The following IRS2 variants were observed in gnomAD, a reference collection of about 807,000 sequenced individuals.
The protein encoded by IRS2 is insulin receptor substrate 2.
In IRS2, 28 loss-of-function variants were observed where a neutral mutation model predicts 70.9. The ratio of observed to expected loss-of-function variants is 0.39; its 90% CI spans 0.29 to 0.54. IRS2 has a LOEUF of 0.54. IRS2 is among the 20% of genes least tolerant of loss of function. IRS2 has a pLI of 0.59. For synonymous variants in IRS2, 1,217 were observed against 981.9 expected (o/e 1.24, Z -4.48); for missense variants, 2,081 against 2,024.1 (o/e 1.03, Z -0.54).
Position 109,784,373 on chromosome 13 carries a change from C to T in IRS2, c.1681G>A (p.Gly561Arg). The change falls in exon 1 of 2, where the codon GGG (glycine) becomes AGG (arginine). Residue 561 changes from glycine to arginine, a missense_variant. Gly to Arg is a moderately radical substitution (Grantham distance 125, BLOSUM62 -2). Coordinates refer to ENST00000375856, the MANE Select transcript of IRS2 (RefSeq NM_003749.3). The surrounding 1 kb of genome is among the most constrained non-coding windows in gnomAD (Gnocchi z 5.2). ...HCGRSYRRVSGDAAQDLDRGL... is the reference protein window; with the variant it reads ...HCGRSYRRVSRDAAQDLDRGL... ...CGGTCCAGGTCCTGGGCCGCGTCCC[C>T]CGAGACCCGGCGGTAGGAGCGGCCA... 1 of 1,610,216 alleles carries T rather than the reference C, an allele frequency of 6.2e-7. No homozygotes were observed. The highest frequency in any genetic ancestry group is 1.1e-5 in the South Asian group (1 of 91,032).
chr13:109,766,948 A>C (rs145017868), intron 1 of IRS2, among the ~76,000 whole-genome samples: 3 of 152,394 alleles, frequency 2.0e-5, no homozygotes, highest in Admixed American at 6.5e-5. Flanking sequence ...AAGCAGAGGA[A>C]ACATACATTC....
At chr13:109,756,872 C>T (rs898967760) in intron 1 of IRS2, among the ~76,000 whole-genome samples, 3 of 152,194 alleles carry the variant, frequency 2.0e-5, no homozygotes, top group Non-Finnish European at 2.9e-5. Flanking sequence ...AACTTCCAAC[C>T]GGATCATCTA....
intron 1 of IRS2, among the ~76,000 whole-genome samples, chr13:109,759,839 C>T (rs553694953): frequency 7.3e-4 from 111 of 152,216 alleles, no homozygotes; most frequent in Middle Eastern, 3.4e-3. Context: ...CACGGCAACA[C>T]GATACCTACC....
chr13:109,763,033 G>C (rs898863887), intron 1 of IRS2, among the ~76,000 whole-genome samples: 4 of 152,134 alleles, frequency 2.6e-5, no homozygotes, highest in Admixed American at 2.6e-4. Flanking sequence ...ATTTACATAT[G>C]GCTGCTTTCA....
At chr13:109,774,781 C>A (rs4771645) in intron 1 of IRS2, among the ~76,000 whole-genome samples, 50,321 of 151,872 alleles carry the variant, frequency 0.33, 8,470 homozygotes, top group Middle Eastern at 0.48. Flanking sequence ...AATATTATAC[C>A]ATATTGTATA....
intron 1 of IRS2, among the ~76,000 whole-genome samples, chr13:109,761,589 GA>G (rs59128444): frequency 0.018 from 2,365 of 131,774 alleles, 22 homozygotes; most frequent in South Asian, 0.034. Flanking sequence ...CTAAGAACAT[GA>G]AAAAAAAAAA....
In IRS2 at chr13:109,782,827, G is replaced by T. The variant is rs1877755503; in HGVS notation, c.3227C>A (p.Ala1076Asp). 1.3e-6 allele frequency: 2 copies of T among 1,588,884 alleles called. No individual in the cohort carries two copies. The highest frequency in any genetic ancestry group is 3.6e-5 in the Admixed American group (2 of 56,098). The change falls in exon 1 of 2, where the codon GCT becomes GAT. Residue 1076 changes from alanine to aspartate, a missense_variant. Transcript: ENST00000375856. ...CGGCGGGGTGGCGGCCACACCAAAAGCCATCTCGGTGTAGTCACCATTGTC... is the reference window on the plus strand; with the variant it reads ...CGGCGGGGTGGCGGCCACACCAAAATCCATCTCGGTGTAGTCACCATTGTC... ...TGDNGDYTEM[A>D]FGVAATPPQP... is the part of the protein sequence containing the mutation.
intron 1 of IRS2, among the ~76,000 whole-genome samples, chr13:109,760,011 C>T (rs1344046262): frequency 6.6e-6 from 1 of 152,180 alleles, no homozygotes; most frequent in African/African-American, 2.4e-5. Context: ...CCCTGAAAAT[C>T]AGCCTGGTTC....
At chr13:109,767,801 C>T (rs1445756334) in intron 1 of IRS2, among the ~76,000 whole-genome samples, 2 of 145,864 alleles carry the variant, frequency 1.4e-5, no homozygotes, top group East Asian at 4.0e-4. Context: ...GGTGCAATCT[C>T]GGCTCGCTGC....
intron 1 of IRS2, among the ~76,000 whole-genome samples, chr13:109,761,648 C>T (rs1356775195): frequency 8.8e-5 from 13 of 147,348 alleles, no homozygotes; most frequent in Admixed American, 1.4e-4. Flanking sequence ...CTAGGAAAAA[C>T]GGTTACTTGA....
intron 1 of IRS2, among the ~76,000 whole-genome samples, chr13:109,778,189 G>A (rs1336997657): frequency 6.6e-6 from 1 of 152,140 alleles, no homozygotes; most frequent in African/African-American, 2.4e-5. Flanking sequence ...AGAAAGGGGA[G>A]GATTATAATT....
At chr13:109,761,580 T>C (rs1437751527) in intron 1 of IRS2, among the ~76,000 whole-genome samples, 1 of 128,794 alleles carries the variant, frequency 7.8e-6, no homozygotes, top group Non-Finnish European at 1.7e-5. Flanking sequence ...CAAGACACTC[T>C]AAGAACATGA....
intron 1 of IRS2, among the ~76,000 whole-genome samples, chr13:109,764,284 C>T (rs1328786761): frequency 6.6e-6 from 1 of 152,162 alleles, no homozygotes; most frequent in Non-Finnish European, 1.5e-5. Flanking sequence ...GCGCTGTCGC[C>T]ACACCAGAGC....
rs1455747780 is a variant in IRS2, at chr13:109,786,379, G to C, written c.-326C>G. 1 of 147,100 alleles carries C rather than the reference G, an allele frequency of 6.8e-6. No individual in the cohort carries two copies. The highest frequency in any genetic ancestry group is 1.5e-5 in the Non-Finnish European group (1 of 65,904). The allele number at this position is 147,100 out of a possible 1,614,324, so 9.1% of individuals were successfully genotyped here. ...GGACGCGCTCGCTGGGCCGGGAGTC[G>C]GGGTCCCCGAGCCGCGGGGCCGAGC... On this transcript the variant is annotated 5_prime_UTR_variant, in exon 1 of 2. Coordinates refer to ENST00000375856, the MANE Select transcript of IRS2 (RefSeq NM_003749.3). This position sits in a 1 kb window ranked among gnomAD's most constrained non-coding sequence, Gnocchi z 4.4.
chr13:109,786,464 G>C lies in IRS2; in HGVS notation c.-411C>G, dbSNP rs991100202. 2 of 148,968 alleles carry C rather than the reference G, an allele frequency of 1.3e-5. No homozygotes were observed. Among genetic ancestry groups the C allele is most frequent in the Middle Eastern group, 3.4e-3 (1 of 294 alleles). The allele number at this position is 148,968 out of a possible 1,614,324, so 9.2% of individuals were successfully genotyped here. A position where few individuals can be genotyped will look rare whatever the true frequency, so the allele number is the denominator to read the frequency against. ...GCCGCGTCGCGCTCCGGGAAGCCGG[G>C]GTGCGCCCGGGCGCTCGGGGTCCGC... is the stretch of plus-strand genomic sequence containing the variant. On this transcript the variant is annotated 5_prime_UTR_variant, in exon 1 of 2. Transcript: ENST00000375856. This position sits in a 1 kb window ranked among gnomAD's most constrained non-coding sequence, Gnocchi z 4.4.
rs1877863650 is a variant in IRS2 at position 109,784,815 on chromosome 13, C to CCCGCGGCCG, written c.1230_1238dup (p.Gly411_Gly413dup). On this transcript the variant is annotated inframe_insertion, in exon 1 of 2. Transcript: ENST00000375856. This position sits in a 1 kb window ranked among gnomAD's most constrained non-coding sequence, Gnocchi z 5.2. ...CTGCCGGCAGCAGCGCCACCTTGCTCCCGCGGCCGCCGCAGCCGCCGCTCA... is the reference window on the plus strand; with the variant it reads ...CTGCCGGCAGCAGCGCCACCTTGCTCCCGCGGCCGCCGCGGCCGCCGCAGCCGCCGCTCA... 1.6e-6 allele frequency: 2 copies of CCCGCGGCCG among 1,268,380 alleles called. No homozygotes were observed. The highest frequency in any genetic ancestry group is 2.1e-5 in the South Asian group (1 of 46,564). The allele number at this position is 1,268,380 out of a possible 1,614,324, so 78.6% of individuals were successfully genotyped here. A position where few individuals can be genotyped will look rare whatever the true frequency, so the allele number is the denominator to read the frequency against.
Position 109,782,563 on chromosome 13 carries a change from G to A in IRS2, c.3491C>T (p.Ser1164Phe), listed in dbSNP as rs777439655. The stretch of plus-strand genomic sequence containing the variant: ...GTGGCGCTTGGGGTTGTGGGCGAAG[G>A]ACGGGGACACGGGGGTGACCGTCGT... ...STTTVTPVSP[S>F]FAHNPKRHNS... Residue 1164 changes from serine (S) to phenylalanine (F), a missense_variant, in exon 1 of 2, where the codon TCC (serine) becomes TTC (phenylalanine). By Grantham distance (155) the Ser-to-Phe change is radical (BLOSUM62 -2). This residue lies in a region of IRS2 where 1,615 missense variants were observed against 1,459.5 expected (regional missense o/e 1.11). Transcript: ENST00000375856. 14 of 1,567,446 alleles carry A rather than the reference G, an allele frequency of 8.9e-6. No individual in the cohort carries two copies. The South Asian group carries it at 1.3e-4, about 14-fold the overall frequency.
chr13:109,776,956 C>A (rs1027907453), intron 1 of IRS2, among the ~76,000 whole-genome samples: 1 of 152,176 alleles, frequency 6.6e-6, no homozygotes, highest in Non-Finnish European at 1.5e-5. Context: ...ATAACCAATA[C>A]TTTTGGACAT....
At chr13:109,771,134 C>T (rs1370950475) in intron 1 of IRS2, among the ~76,000 whole-genome samples, 1 of 152,104 alleles carries the variant, frequency 6.6e-6, no homozygotes, top group Non-Finnish European at 1.5e-5. Context: ...CACCAAAATG[C>T]CCTTACATGT....
Sources: gnomAD v4.1 joint callset for allele counts (sites outside exome capture counted in the v4.1 genomes callset) on GRCh38, gnomAD v4.1.1 for gene constraint, gnomAD v4.1.1 regional missense constraint, Gnocchi (gnomAD v3.1) non-coding constraint, MANE v1.5 for transcripts, NCBI Gene and HGNC (gene_info 2026-07-23, HGNC 2026-07-21) for gene names.